The following GRM4 variants were observed in gnomAD, a reference collection of about 807,000 sequenced individuals.
The protein encoded by GRM4 is metabotropic glutamate receptor 4.
A neutral mutation model predicts 81.7 loss-of-function variants in GRM4; 28 were observed. The observed-to-expected ratio is 0.34, with a 90% CI of 0.25 to 0.47. The LOEUF (loss-of-function observed/expected upper bound fraction) is 0.47, where lower values mean the gene tolerates loss of function less well. Ranked by LOEUF, GRM4 falls within the 20% of genes least tolerant of loss-of-function variation. GRM4 has a pLI of 1.00. For missense variants in GRM4, 948 were observed against 1,290.0 expected (o/e 0.73, Z 4.06); for synonymous variants, 488 against 528.8 (o/e 0.92, Z 1.06).
chr6:34,066,543 T>A (rs951291507), intron 3 of GRM4, among the ~76,000 whole-genome samples: 2 of 151,948 alleles, frequency 1.3e-5, no homozygotes, highest in Non-Finnish European at 2.9e-5. Context: ...CGGGAGACTT[T>A]GTCCGTTGTT....
Position 34,152,716 on chromosome 6 carries a change from C to T in GRM4, c.312+2363G>A, listed in dbSNP as rs1267063020. On this transcript the variant is annotated intron_variant, in intron 1 of 8. Transcript: ENST00000374177. The surrounding 1 kb of genome is among the most constrained non-coding windows in gnomAD (Gnocchi z 4.1). ...GGATCCGATGCGCTTTTAATTCCCT[C>T]CTGGGACATCAGAATGAGGGTAGAA... Among the ~76,000 whole-genome samples the T allele has an allele frequency of 5.9e-5, 9 of 152,214 alleles. No individual in the cohort carries two copies. Among genetic ancestry groups the T allele is most frequent in the Admixed American group, 1.3e-4 (2 of 15,288 alleles).
intron 2 of GRM4, among the ~76,000 whole-genome samples, chr6:34,093,274 T>C (rs1245050888): frequency 6.6e-6 from 1 of 152,152 alleles, no homozygotes; most frequent in Non-Finnish European, 1.5e-5. Context: ...CAAAGCCTAG[T>C]GTGTCCCTAT....
At chr6:34,023,328 C>T (rs1181454542) in intron 10 of GRM4, among the ~76,000 whole-genome samples, 1 of 152,222 alleles carries the variant, frequency 6.6e-6, no homozygotes, top group Non-Finnish European at 1.5e-5. Flanking sequence ...AAAGGGAAGT[C>T]TTTCAGAAGT....
chr6:34,033,703 C>T (rs867184805), intron 9 of GRM4, among the ~76,000 whole-genome samples: 1 of 151,664 alleles, frequency 6.6e-6, no homozygotes, highest in Non-Finnish European at 1.5e-5. Context: ...CTCTCTTTCT[C>T]TTTCTTTCTC....
chr6:34,085,094 G>A (rs1396967310), intron 3 of GRM4, among the ~76,000 whole-genome samples: 1 of 152,204 alleles, frequency 6.6e-6, no homozygotes, highest in African/African-American at 2.4e-5. Context: ...ACGTGCCCAG[G>A]GAACAGGGCT....
intron 1 of GRM4, among the ~76,000 whole-genome samples, chr6:34,135,067 G>T (rs1168078519): frequency 6.6e-6 from 1 of 152,218 alleles, no homozygotes; most frequent in African/African-American, 2.4e-5. Context: ...AGACCAGCAA[G>T]CCACTTGTCC....
chr6:34,142,481 G>A (rs1376651668), intron 1 of GRM4, among the ~76,000 whole-genome samples: 1 of 152,244 alleles, frequency 6.6e-6, no homozygotes, highest in African/African-American at 2.4e-5. Context: ...CACGTCTATC[G>A]GCAGTAATTA....
chr6:34,052,934 C>T (rs1765684764), intron 6 of GRM4, among the ~76,000 whole-genome samples: 1 of 152,216 alleles, frequency 6.6e-6, no homozygotes, highest in African/African-American at 2.4e-5. Flanking sequence ...CAGGATGGCA[C>T]ATTCTTTCCT....
rs10635207 is a variant in GRM4, at chr6:34,136,563, GAC to G, written c.-363-2706_-363-2705del. On this transcript the variant is annotated intron_variant, in intron 1 of 10. Coordinates refer to ENST00000538487, the MANE Select transcript of GRM4 (RefSeq NM_000841.4). The surrounding 1 kb of genome is among the most constrained non-coding windows in gnomAD (Gnocchi z 4.1). ...GCTGAGCAGTGCATGCGCGCGTGCG[GAC>G]ACACACACACACACACACACACACA... 0.021 allele frequency among the ~76,000 whole-genome samples: 3,030 copies of G among 142,502 alleles called. 60 individuals are homozygous for G. Among genetic ancestry groups the G allele is most frequent in the African/African-American group, 0.04 (1,481 of 36,836 alleles). The allele number at this position is 142,502 out of a possible 152,430, so 93.5% of individuals were successfully genotyped here. A position where few individuals can be genotyped will look rare whatever the true frequency, so the allele number is the denominator to read the frequency against.
At chr6:34,139,989 G>T (rs1205304283) in intron 1 of GRM4, among the ~76,000 whole-genome samples, 2 of 152,208 alleles carry the variant, frequency 1.3e-5, no homozygotes, top group South Asian at 4.1e-4. Context: ...GTCCCAAAGC[G>T]GGTGGGCACA....
exon 1 of GRM4, chr6:34,155,250 G>A (rs1472421488): frequency 6.5e-7 from 1 of 1,535,338 alleles, no homozygotes; most frequent in South Asian, 1.2e-5. Context: ...CAAAGGACCT[G>A]GGCGGGAGGC....
At chr6:34,117,334 G>A (rs117636666) in intron 2 of GRM4, among the ~76,000 whole-genome samples, 1,849 of 152,234 alleles carry the variant, frequency 0.012, 11 homozygotes, top group Middle Eastern at 0.065. Context: ...TGAGGTGGGC[G>A]AGACAGGCTG....
intron 1 of GRM4, among the ~76,000 whole-genome samples, chr6:34,143,215 A>G (rs1770774972): frequency 6.6e-6 from 1 of 152,178 alleles, no homozygotes. Context: ...GAACATAAAG[A>G]CAGCGGCCAC....
chr6:34,035,586 G>T lies in GRM4; in HGVS notation c.2442+82C>A. The T allele has an allele frequency of 1.3e-6, 1 of 773,650 alleles. No homozygotes were observed. The highest frequency in any genetic ancestry group is 2.1e-6 in the Non-Finnish European group (1 of 480,536). The allele number at this position is 773,650 out of a possible 1,614,324, so 47.9% of individuals were successfully genotyped here. A position where few individuals can be genotyped will look rare whatever the true frequency, so the allele number is the denominator to read the frequency against. ...AAAGAAGGCATTTCTGGAGCAGGGG[G>T]GAGGCCAGCCAGCCTCAGGAGGCTG... On this transcript the variant is annotated intron_variant, in intron 9 of 10. Coordinates refer to ENST00000538487, the MANE Select transcript of GRM4 (RefSeq NM_000841.4). This position sits in a 1 kb window ranked among gnomAD's most constrained non-coding sequence, Gnocchi z 6.6.
At chr6:34,086,912 A>G (rs1455832033) in intron 3 of GRM4, among the ~76,000 whole-genome samples, 1 of 152,204 alleles carries the variant, frequency 6.6e-6, no homozygotes, top group Non-Finnish European at 1.5e-5. Context: ...ACTTGAGCCC[A>G]GAAGTTTGAG....
In GRM4 at chr6:34,121,678, C is replaced by T. The variant is rs976594647; in HGVS notation, c.519+11300G>A. Among the ~76,000 whole-genome samples the T allele has an allele frequency of 6.6e-6, 1 of 152,318 alleles. No homozygotes were observed. On this transcript the variant is annotated intron_variant, in intron 2 of 10. Transcript: ENST00000538487. The surrounding 1 kb of genome is among the most constrained non-coding windows in gnomAD (Gnocchi z 4.6). ...GGCCAGGGCTGAGCAGAGCATCCCT[C>T]CTCCTGGGGCACCACCTCTTAGCAA...
chr6:34,059,169 C>A lies in GRM4; in HGVS notation c.873-41G>T. 1.3e-6 allele frequency: 2 copies of A among 1,597,556 alleles called. No homozygotes were observed. Among genetic ancestry groups the A allele is most frequent in the South Asian group, 2.2e-5 (2 of 90,366 alleles). On this transcript the variant is annotated intron_variant, in intron 4 of 10. Transcript: ENST00000538487. The surrounding 1 kb of genome is among the most constrained non-coding windows in gnomAD (Gnocchi z 5.7). ...CCAGCCCAGCCCAGCCGCGTCTGTC[C>A]ACGAAACTGCCCCCACTCCTGGCCA...
rs1185367842 is a variant in GRM4 at position 34,047,925 on chromosome 6, C to A, written c.1169-7177G>T. ...GCCACAGGCTCCTTTTGAAGGAAAC[C>A]ATTCTTGCAAACCCTCAAGAATATG... On this transcript the variant is annotated intron_variant, in intron 6 of 10. Coordinates refer to ENST00000538487, the MANE Select transcript of GRM4 (RefSeq NM_000841.4). This position sits in a 1 kb window ranked among gnomAD's most constrained non-coding sequence, Gnocchi z 4.5. Among the ~76,000 whole-genome samples, 2 of 152,162 alleles carry A rather than the reference C, an allele frequency of 1.3e-5. No individual in the cohort carries two copies. The highest frequency in any genetic ancestry group is 4.8e-5 in the African/African-American group (2 of 41,430).
At chr6:34,039,039 A>G (rs1764863158) in intron 8 of GRM4, among the ~76,000 whole-genome samples, 1 of 152,148 alleles carries the variant, frequency 6.6e-6, no homozygotes, top group African/African-American at 2.4e-5. Context: ...CACTGCACCA[A>G]AACAAAACGG....
Sources: gnomAD v4.1 joint callset for allele counts (sites outside exome capture counted in the v4.1 genomes callset) on GRCh38, gnomAD v4.1.1 for gene constraint, Gnocchi (gnomAD v3.1) non-coding constraint, MANE v1.5 for transcripts, NCBI Gene and HGNC (gene_info 2026-07-23, HGNC 2026-07-21) for gene names.